The following AP1S3 variants were observed in gnomAD, a reference collection of about 807,000 sequenced individuals.
AP1S3 encodes the protein AP-1 complex subunit sigma-3.
A neutral mutation model predicts 20.9 loss-of-function variants in AP1S3; 10 were observed. That is an observed-to-expected ratio of 0.48 (90% CI 0.29 to 0.81). AP1S3 has a LOEUF of 0.81. AP1S3 is among the 30% of genes least tolerant of loss of function. The probability of loss-of-function intolerance (pLI) is 0.08; values close to 1 mark genes in which losing one functional copy is unlikely to be tolerated. For missense variants in AP1S3, 154 were observed against 183.8 expected (o/e 0.84, Z 0.94); for synonymous variants, 41 against 61.5 (o/e 0.67, Z 1.56).
Position 223,756,338 on chromosome 2 carries a change from G to GAAAGAAAAGAAAAGAAAAGAAAAGA in AP1S3, c.*2376_*2377insTCTTTTCTTTTCTTTTCTTTTCTTT, listed in dbSNP as rs397940810. Reference sequence around the variant, plus strand: ...GGTGACAAGAAGCGAGGAAAGAAAAGAAAGAAAAGAAAAGAAAAGAGAAAA... The same window carrying GAAAGAAAAGAAAAGAAAAGAAAAGA: ...GGTGACAAGAAGCGAGGAAAGAAAAGAAAGAAAAGAAAAGAAAAGAAAAGAAAAGAAAAGAAAAGAAAAGAGAAAA... On this transcript the variant is annotated 3_prime_UTR_variant, in exon 5 of 5. Coordinates refer to ENST00000396654, the MANE Select transcript of AP1S3 (RefSeq NM_001039569.2). 7.6e-6 allele frequency: 2 copies of GAAAGAAAAGAAAAGAAAAGAAAAGA among 261,470 alleles called. No individual in the cohort carries two copies. Among genetic ancestry groups the GAAAGAAAAGAAAAGAAAAGAAAAGA allele is most frequent in the African/African-American group, 5.0e-5 (2 of 39,718 alleles). The allele number at this position is 261,470 out of a possible 1,614,324, so 16.2% of individuals were successfully genotyped here. A position where few individuals can be genotyped will look rare whatever the true frequency, so the allele number is the denominator to read the frequency against.
chr2:223,770,273 CAGGAA>C (rs1690587044), intron 3 of AP1S3: 2 of 1,550,398 alleles, frequency 1.3e-6, no homozygotes, highest in South Asian at 2.4e-5. Flanking sequence ...AGGCGTAGAC[CAGGAA>C]TCCAAGACAG....
chr2:223,780,306 TATAGAGAGAGAGAGAG>T (rs1335092514), intron 1 of AP1S3, among the ~76,000 whole-genome samples: 6 of 45,226 alleles, frequency 1.3e-4, no homozygotes, highest in African/African-American at 3.9e-4. Flanking sequence ...TATATATATA[TATAGAGAGAGAGAGAG>T]AGAGAGAGAG....
intron 1 of AP1S3, among the ~76,000 whole-genome samples, chr2:223,778,672 A>T (rs1255455437): frequency 6.6e-6 from 1 of 152,036 alleles, no homozygotes; most frequent in African/African-American, 2.4e-5. Context: ...GGGAACGAGA[A>T]AATGAGAAGC....
intron 1 of AP1S3, among the ~76,000 whole-genome samples, chr2:223,791,866 C>G (rs1691222522): frequency 1.4e-4 from 22 of 152,162 alleles, no homozygotes; most frequent in Admixed American, 1.4e-3. Context: ...GCAAAAATCA[C>G]TAGCCTGTTG....
In AP1S3 at chr2:223,757,905, T is replaced by G. The variant is rs750399049; in HGVS notation, c.*810A>C. 1.5e-5 allele frequency: 15 copies of G among 978,132 alleles called. No homozygotes were observed. Among genetic ancestry groups the G allele is most frequent in the Non-Finnish European group, 1.8e-5 (15 of 823,432 alleles). 60.6% of individuals were successfully genotyped at this position (978,132 alleles called of 1,614,324 possible). A position where few individuals can be genotyped will look rare whatever the true frequency, so the allele number is the denominator to read the frequency against. ...GAATTTTAAAAAATAGTAGCAATAA[T>G]TATTATTGCTATTAATTCTTATCAT... On this transcript the variant is annotated 3_prime_UTR_variant, in exon 5 of 5. Transcript: ENST00000396654.
At chr2:223,817,117 A>C (rs2106122664) in intron 1 of AP1S3, among the ~76,000 whole-genome samples, 1 of 151,900 alleles carries the variant, frequency 6.6e-6, no homozygotes, top group East Asian at 2.0e-4. Flanking sequence ...AAAGCGAGAC[A>C]ACTCTGTCTC....
chr2:223,778,529 C>CAAAA (rs371930074), intron 1 of AP1S3, among the ~76,000 whole-genome samples: 2 of 148,308 alleles, frequency 1.3e-5, no homozygotes, highest in Admixed American at 6.7e-5. Context: ...CTTTACAAGA[C>CAAAA]AAAAAAAAAG....
chr2:223,772,361 C>T (rs1690652413), intron 3 of AP1S3, among the ~76,000 whole-genome samples: 2 of 152,030 alleles, frequency 1.3e-5, no homozygotes, highest in South Asian at 4.2e-4. Context: ...ATCCGGGGGA[C>T]CCATAGTGCT....
intron 1 of AP1S3, among the ~76,000 whole-genome samples, chr2:223,785,499 T>C (rs1691051251): frequency 6.6e-6 from 1 of 152,250 alleles, no homozygotes; most frequent in South Asian, 2.1e-4. Flanking sequence ...TTTTCTTCTT[T>C]GTACTTGTCT....
intron 1 of AP1S3, among the ~76,000 whole-genome samples, chr2:223,801,192 C>T (rs1691457887): frequency 6.6e-6 from 1 of 152,182 alleles, no homozygotes; most frequent in Non-Finnish European, 1.5e-5. Flanking sequence ...TTTAATCTTC[C>T]TCATAACCAT....
At chr2:223,834,036 G>A (rs1692341350) in intron 1 of AP1S3, among the ~76,000 whole-genome samples, 1 of 152,070 alleles carries the variant, frequency 6.6e-6, no homozygotes, top group Non-Finnish European at 1.5e-5. Flanking sequence ...AGCCTCCCAA[G>A]TAGCTGGGAT....
intron 2 of AP1S3, among the ~76,000 whole-genome samples, chr2:223,777,244 A>T (rs1248268624): frequency 1.3e-5 from 2 of 152,172 alleles, no homozygotes; most frequent in Non-Finnish European, 2.9e-5. Context: ...AAAATACAAA[A>T]ATTAGTCAGG....
chr2:223,798,867 T>A (rs1050248652), intron 1 of AP1S3, among the ~76,000 whole-genome samples: 1 of 151,990 alleles, frequency 6.6e-6, no homozygotes, highest in Non-Finnish European at 1.5e-5. Context: ...AGGTCCGGAG[T>A]TTGAGACCAG....
chr2:223,765,367 A>G lies in AP1S3; in HGVS notation c.292-17T>C. 6.3e-7 allele frequency: 1 copy of G among 1,592,396 alleles called. No individual in the cohort carries two copies. The highest frequency in any genetic ancestry group is 8.5e-7 in the Non-Finnish European group (1 of 1,172,152). On this transcript the variant is annotated splice_polypyrimidine_tract_variant and intron_variant, in intron 3 of 4. Coordinates refer to ENST00000396654, the MANE Select transcript of AP1S3 (RefSeq NM_001039569.2). ...CTCACAGACCTGGTGGGACAAAAACAAACGTTTTGATAAACTTGCAGTTGT... is the reference window on the plus strand; with the variant it reads ...CTCACAGACCTGGTGGGACAAAAACGAACGTTTTGATAAACTTGCAGTTGT...
intron 1 of AP1S3, among the ~76,000 whole-genome samples, chr2:223,799,208 GACACAC>G (rs10527751): frequency 0.012 from 1,804 of 145,956 alleles, 21 homozygotes; most frequent in African/African-American, 0.036. Context: ...TTCGGGCCTA[GACACAC>G]ACACACACAC....
chr2:223,777,665 T>A, intron 2 of AP1S3, 26 bp downstream of exon 2: 1 of 1,600,720 alleles, frequency 6.2e-7, no homozygotes, highest in Non-Finnish European at 8.5e-7. Context: ...GACTGAGAAA[T>A]TGAGCTCTCA....
intron 3 of AP1S3, among the ~76,000 whole-genome samples, chr2:223,766,410 T>G (rs1311770298): frequency 6.6e-6 from 1 of 152,262 alleles, no homozygotes; most frequent in African/African-American, 2.4e-5. Flanking sequence ...TTTCTTTTGC[T>G]GTGCAGAAGC....
chr2:223,823,957 G>A (rs781602519), intron 1 of AP1S3, among the ~76,000 whole-genome samples: 2 of 152,100 alleles, frequency 1.3e-5, no homozygotes, highest in Admixed American at 6.6e-5. Flanking sequence ...GAAAGCCTGG[G>A]GGCAGACATA....
intron 3 of AP1S3, among the ~76,000 whole-genome samples, chr2:223,768,151 G>A (rs968820825): frequency 5.9e-5 from 9 of 152,172 alleles, no homozygotes; most frequent in Admixed American, 2.0e-4. Context: ...CTGATTTCCC[G>A]TGCCAGTTCT....
Sources: allele counts gnomAD v4.1 joint callset (sites outside exome capture counted in the v4.1 genomes callset), GRCh38; gene constraint gnomAD v4.1.1; transcripts MANE v1.5; gene names NCBI Gene and HGNC (gene_info 2026-07-23, HGNC 2026-07-21).